The following QTGAL variants were observed in gnomAD, a reference collection of about 807,000 sequenced individuals.
QTGAL encodes queuosine-tRNA galactosyltransferase.
At chr17:83,014,500 T>C in the QTGAL span, 1 of 1,614,136 alleles carries the variant, frequency 6.2e-7, no homozygotes, top group Middle Eastern at 1.7e-4. Context: ...CCTCACCCGC[T>C]GGGGCATCAT....
the QTGAL span, chr17:82,956,691 T>C: frequency 1.3e-6 from 2 of 1,572,108 alleles, no homozygotes; most frequent in Non-Finnish European, 1.7e-6. This position sits in a 1 kb window ranked among gnomAD's most constrained non-coding sequence, Gnocchi z 5.7. Flanking sequence ...GGCCCCACAC[T>C]CACCAGCTTC....
the QTGAL span, among the ~76,000 whole-genome samples, chr17:83,028,503 C>T: frequency 3.0e-5 from 4 of 131,994 alleles, no homozygotes; most frequent in African/African-American, 5.9e-5. Flanking sequence ...CCAGCCTGGG[C>T]GACAGCGAGA....
chr17:83,035,060 C>A, the QTGAL span: 1 of 1,612,684 alleles, frequency 6.2e-7, no homozygotes, highest in Non-Finnish European at 8.5e-7. Flanking sequence ...AAGGTAAGAC[C>A]CTGAGCTCTG....
At chr17:82,955,218 C>A in the QTGAL span, among the ~76,000 whole-genome samples, 1 of 152,064 alleles carries the variant, frequency 6.6e-6, no homozygotes, top group Non-Finnish European at 1.5e-5. Flanking sequence ...TTTCTGCAAT[C>A]TGTCCATCTG....
the QTGAL span, among the ~76,000 whole-genome samples, chr17:83,014,101 C>T: frequency 1.3e-5 from 2 of 152,306 alleles, no homozygotes; most frequent in South Asian, 2.1e-4. Flanking sequence ...AAGATAAAAA[C>T]CGTAATTTAA....
the QTGAL span, among the ~76,000 whole-genome samples, chr17:82,982,434 C>A: frequency 6.6e-6 from 1 of 152,210 alleles, no homozygotes; most frequent in Non-Finnish European, 1.5e-5. Context: ...AACAACAAAA[C>A]CAGTAATGTA....
chr17:83,048,632 C>T, the QTGAL span: 30 of 1,606,954 alleles, frequency 1.9e-5, no homozygotes, highest in East Asian at 3.1e-4. Flanking sequence ...GTTGCTTACA[C>T]TGGGGCTGAG....
chr17:83,009,457 GC>G, the QTGAL span, among the ~76,000 whole-genome samples: 31 of 151,632 alleles, frequency 2.0e-4, no homozygotes, highest in African/African-American at 6.8e-4. Flanking sequence ...CATGAGGTAA[GC>G]CCCCCACACA....
At chr17:83,040,135 G>C in the QTGAL span, among the ~76,000 whole-genome samples, 2 of 152,178 alleles carry the variant, frequency 1.3e-5, no homozygotes, top group South Asian at 4.1e-4. Flanking sequence ...CTTCTGGAAA[G>C]CTTTTAAAAT....
chr17:82,942,607 G>C, the QTGAL span: 1 of 1,100,268 alleles, frequency 9.1e-7, no homozygotes, highest in South Asian at 1.3e-5. Flanking sequence ...CTAGCTGACA[G>C]CTTTTCCTCT....
At chr17:82,958,632 C>G in the QTGAL span, among the ~76,000 whole-genome samples, 1 of 152,176 alleles carries the variant, frequency 6.6e-6, no homozygotes, top group Non-Finnish European at 1.5e-5. Context: ...ACGGGGTCCC[C>G]TCTGTCAGCT....
At chr17:83,005,820 C>G in the QTGAL span, 5 of 1,228,758 alleles carry the variant, frequency 4.1e-6, no homozygotes, top group Non-Finnish European at 5.5e-6. The surrounding 1 kb of genome is among the most constrained non-coding windows in gnomAD (Gnocchi z 5.6). Flanking sequence ...CAGAGCATCA[C>G]CTGCCTCAGC....
the QTGAL span, chr17:83,030,691 C>G: frequency 6.6e-6 from 1 of 152,454 alleles, no homozygotes; most frequent in Non-Finnish European, 1.5e-5. Flanking sequence ...TTGGGCCGTC[C>G]CCGTCTGCAG....
chr17:82,989,481 A>C, the QTGAL span, among the ~76,000 whole-genome samples: 1 of 138,100 alleles, frequency 7.2e-6, no homozygotes, highest in Non-Finnish European at 1.5e-5. Flanking sequence ...CATTCTGCAC[A>C]TGTATTCTGG....
chr17:82,991,889 T>C, the QTGAL span, among the ~76,000 whole-genome samples: 1 of 152,104 alleles, frequency 6.6e-6, no homozygotes. Flanking sequence ...GAAGCAGAAA[T>C]TCTGGAGCTG....
chr17:82,984,329 C>T, the QTGAL span, among the ~76,000 whole-genome samples: 580 of 76,178 alleles, frequency 7.6e-3, 21 homozygotes, highest in Non-Finnish European at 0.011. Flanking sequence ...GGAGAGGCCA[C>T]GTGAGCACAC....
At chr17:83,009,389 A>C in the QTGAL span, among the ~76,000 whole-genome samples, 86 of 151,860 alleles carry the variant, frequency 5.7e-4, no homozygotes, top group African/African-American at 1.9e-3. Context: ...GTACCCCTGC[A>C]CTCCAGCCTG....
At chr17:82,999,836 C>A in the QTGAL span, among the ~76,000 whole-genome samples, 1 of 152,158 alleles carries the variant, frequency 6.6e-6, no homozygotes, top group Non-Finnish European at 1.5e-5. Context: ...GGAGCACCTC[C>A]AGCATTACCA....
At chr17:82,990,657 T>G in the QTGAL span, among the ~76,000 whole-genome samples, 3 of 152,222 alleles carry the variant, frequency 2.0e-5, no homozygotes, top group African/African-American at 4.8e-5. Flanking sequence ...ATTTTGATCT[T>G]TAGGGATTTC....
Sources: gnomAD v4.1 joint callset for allele counts (sites outside exome capture counted in the v4.1 genomes callset) on GRCh38, gnomAD v4.1.1 for gene constraint, Gnocchi (gnomAD v3.1) non-coding constraint, MANE v1.5 for transcripts, NCBI Gene and HGNC (gene_info 2026-07-23, HGNC 2026-07-21) for gene names.